KCNIP4: variants seen among roughly 807,000 people sequenced by gnomAD.
KCNIP4 encodes the protein Kv channel-interacting protein 4.
Under a neutral mutation model 34.0 loss-of-function variants are expected in KCNIP4, and 12 were observed. The ratio of observed to expected loss-of-function variants is 0.35; its 90% CI spans 0.23 to 0.57. The LOEUF (loss-of-function observed/expected upper bound fraction) is 0.57. Among genes scored for constraint, KCNIP4 ranks in the 20% least tolerant of loss-of-function variants. KCNIP4 has a pLI of 0.83. For missense variants in KCNIP4, 238 were observed against 311.7 expected, an observed-to-expected ratio of 0.76 and a Z score of 1.78; for synonymous variants, 124 against 102.2, an observed-to-expected ratio of 1.21 and a Z score of -1.29.
chr4:21,589,182 A>G (rs1276496879), intron 1 of KCNIP4, among the ~76,000 whole-genome samples: 3 of 70,724 alleles, frequency 4.2e-5, no homozygotes, highest in East Asian at 5.1e-4. Context: ...ATATATATAT[A>G]TATATATATA....
intron 3 of KCNIP4, among the ~76,000 whole-genome samples, chr4:20,828,155 G>A (rs1291759458): frequency 1.3e-5 from 2 of 152,164 alleles, no homozygotes; most frequent in Non-Finnish European, 2.9e-5. Flanking sequence ...GGGATCAGGC[G>A]CGGTGGCTCA....
chr4:21,486,300 T>C (rs1211518591), intron 1 of KCNIP4, among the ~76,000 whole-genome samples: 1 of 152,178 alleles, frequency 6.6e-6, no homozygotes, highest in Non-Finnish European at 1.5e-5. Flanking sequence ...GCACAGAGCC[T>C]TAGAAGTATG....
intron 1 of KCNIP4, among the ~76,000 whole-genome samples, chr4:20,904,433 C>T (rs1727514875): frequency 6.6e-6 from 1 of 151,050 alleles, no homozygotes; most frequent in Admixed American, 6.6e-5. Context: ...TCAATTTTGC[C>T]TTGAAGATTC....
intron 1 of KCNIP4, among the ~76,000 whole-genome samples, chr4:21,826,889 C>A (rs1722707581): frequency 6.6e-6 from 1 of 151,822 alleles, no homozygotes. Context: ...ATACTGAAAA[C>A]CTAAAAAGAA....
intron 1 of KCNIP4, among the ~76,000 whole-genome samples, chr4:21,931,340 C>T (rs1463897836): frequency 6.6e-6 from 1 of 150,964 alleles, no homozygotes; most frequent in Admixed American, 6.6e-5. Context: ...CATATGTATA[C>T]ATGTGCCATG....
chr4:21,901,174 A>G (rs1231012420), intron 1 of KCNIP4, among the ~76,000 whole-genome samples: 1 of 152,210 alleles, frequency 6.6e-6, no homozygotes, highest in Non-Finnish European at 1.5e-5. Context: ...AAAATTTAAC[A>G]TATAGTGTGC....
Position 21,656,381 on chromosome 4 carries a change from A to C in KCNIP4, c.61+292190T>G, listed in dbSNP as rs192489664. ...TCTTCAATGATCCTATATTCAAATA[A>C]AGTTGCATTCTGAAATATTGGGGGT... On this transcript the variant is annotated intron_variant, in intron 1 of 8. Coordinates refer to ENST00000382152, the MANE Select transcript of KCNIP4 (RefSeq NM_025221.6). 6 of 152,290 alleles carry C rather than the reference A, an allele frequency of 3.9e-5. 1 individual carries two copies. Among genetic ancestry groups the C allele is most frequent in the African/African-American group, 1.4e-4 (6 of 41,558 alleles). 9.4% of individuals were successfully genotyped at this position (152,290 alleles called of 1,614,324 possible).
chr4:20,798,331 A>T (rs2149413193), intron 3 of KCNIP4, among the ~76,000 whole-genome samples: 1 of 152,340 alleles, frequency 6.6e-6, no homozygotes, highest in East Asian at 1.9e-4. Context: ...AGAAAGCTTG[A>T]TGGGCCTTGT....
intron 1 of KCNIP4, among the ~76,000 whole-genome samples, chr4:21,426,008 C>G (rs967267251): frequency 6.6e-6 from 1 of 152,058 alleles, no homozygotes; most frequent in Non-Finnish European, 1.5e-5. Context: ...GAGCTGTGAT[C>G]ACGCCACTCA....
chr4:21,136,485 T>G (rs6448023), intron 1 of KCNIP4, among the ~76,000 whole-genome samples: 96,970 of 151,616 alleles, frequency 0.64, 31,525 homozygotes, highest in African/African-American at 0.75. Flanking sequence ...TTCACTGGGT[T>G]TGTAAACTAG....
intron 2 of KCNIP4, among the ~76,000 whole-genome samples, chr4:20,862,860 A>G (rs1577271678): frequency 2.0e-5 from 3 of 152,318 alleles, no homozygotes; most frequent in Admixed American, 2.0e-4. Flanking sequence ...TGGCAAATTA[A>G]TCCAGGAACA....
chr4:21,753,562 A>C (rs1201431989), intron 1 of KCNIP4, among the ~76,000 whole-genome samples: 1 of 152,194 alleles, frequency 6.6e-6, no homozygotes, highest in Non-Finnish European at 1.5e-5. Context: ...GGTTACTTCC[A>C]GTAAGCCAAC....
chr4:21,023,921 TTC>T (rs1740306667), intron 1 of KCNIP4, among the ~76,000 whole-genome samples: 1 of 151,966 alleles, frequency 6.6e-6, no homozygotes, highest in African/African-American at 2.4e-5. Flanking sequence ...GAGTTAGCAC[TTC>T]ACACTCAGTA....
intron 1 of KCNIP4, chr4:21,762,837 A>G (rs1718151094): frequency 1.3e-6 from 1 of 796,114 alleles, no homozygotes; most frequent in South Asian, 1.6e-5. Context: ...AAGAATGTGT[A>G]TATATAAGTG....
intron 1 of KCNIP4, among the ~76,000 whole-genome samples, chr4:21,282,020 T>C (rs1021666297): frequency 6.6e-6 from 1 of 152,226 alleles, no homozygotes; most frequent in African/African-American, 2.4e-5. Flanking sequence ...AATAGAGTGG[T>C]GGATTCTAGG....
intron 1 of KCNIP4, among the ~76,000 whole-genome samples, chr4:21,587,689 G>A (rs545396201): frequency 4.4e-4 from 67 of 152,174 alleles, no homozygotes; most frequent in Middle Eastern, 3.4e-3. Context: ...GTCAGGTCAT[G>A]GGTGAACTAG....
At chr4:21,944,743 TCA>T (rs1334478985) in intron 1 of KCNIP4, among the ~76,000 whole-genome samples, 1 of 152,152 alleles carries the variant, frequency 6.6e-6, no homozygotes, top group Non-Finnish European at 1.5e-5. Context: ...CTCACAGAGC[TCA>T]CAGTCTTCCA....
intron 1 of KCNIP4, among the ~76,000 whole-genome samples, chr4:21,682,158 G>C (rs189853447): frequency 6.6e-6 from 1 of 152,060 alleles, no homozygotes. Flanking sequence ...CTTCCAAAGC[G>C]CTGAGATTAC....
At chr4:21,150,875 C>T (rs1046967654) in intron 1 of KCNIP4, among the ~76,000 whole-genome samples, 1 of 152,084 alleles carries the variant, frequency 6.6e-6, no homozygotes, top group Non-Finnish European at 1.5e-5. Flanking sequence ...TCAAGTTGGC[C>T]ATTATTTCTT....
Sources: allele counts gnomAD v4.1 joint callset (sites outside exome capture counted in the v4.1 genomes callset), GRCh38; gene constraint gnomAD v4.1.1; transcripts MANE v1.5; gene names NCBI Gene and HGNC (gene_info 2026-07-23, HGNC 2026-07-21).